RANBP10: variants seen among roughly 807,000 people sequenced by gnomAD.
RANBP10 encodes the protein ran-binding protein 10.
In RANBP10, 24 loss-of-function variants were observed where a neutral mutation model predicts 72.8. The observed-to-expected ratio is 0.33, with a 90% CI of 0.24 to 0.46. The LOEUF is 0.46. Among genes scored for constraint, RANBP10 ranks in the 20% least tolerant of loss-of-function variants. The pLI, the probability that RANBP10 is intolerant of heterozygous loss-of-function variation, is 1.00. For synonymous variants in RANBP10, 310 were observed against 322.3 expected, an observed-to-expected ratio of 0.96 and a Z score of 0.41; for missense variants, 679 against 817.5, an observed-to-expected ratio of 0.83 and a Z score of 2.07.
chr16:67,766,161 C>T (rs916385755), intron 3 of RANBP10, among the ~76,000 whole-genome samples: 1 of 152,198 alleles, frequency 6.6e-6, no homozygotes, highest in African/African-American at 2.4e-5. Context: ...CAGCGGCTGG[C>T]AGAAAGGCTT....
At chr16:67,736,597 G>GC in intron 5 of RANBP10, among the ~76,000 whole-genome samples, 1 of 152,080 alleles carries the variant, frequency 6.6e-6, no homozygotes, top group Non-Finnish European at 1.5e-5. Flanking sequence ...GGCAAGGCCC[G>GC]CCTCCTCCAG....
At chr16:67,728,263 G>A in intron 11 of RANBP10, 127 bp downstream of exon 11, 2 of 1,025,058 alleles carry the variant, frequency 2.0e-6, no homozygotes, top group Non-Finnish European at 2.9e-6. Flanking sequence ...TAAGGAGGCT[G>A]TGGACCAGGT....
intron 2 of RANBP10, among the ~76,000 whole-genome samples, chr16:67,774,078 C>T (rs1416463730): frequency 6.6e-6 from 1 of 152,250 alleles, no homozygotes; most frequent in Admixed American, 6.5e-5. Context: ...AGTCTCCATT[C>T]CTTCAGTACC....
chr16:67,744,109 A>C (rs1462907049), intron 4 of RANBP10, 179 bp downstream of exon 4: 7 of 985,328 alleles, frequency 7.1e-6, no homozygotes, highest in South Asian at 4.7e-5. Context: ...GACTGGCTGG[A>C]TGAACAAAGG....
At position 67,730,376 on chromosome 16, in the gene RANBP10, C is replaced by G. The variant is rs1444074022; in HGVS notation, c.890-330G>C. 1.3e-5 allele frequency among the ~76,000 whole-genome samples: 2 copies of G among 152,178 alleles called. No homozygotes were observed. Among genetic ancestry groups the G allele is most frequent in the Non-Finnish European group, 2.9e-5 (2 of 68,018 alleles). On this transcript the variant is annotated intron_variant, in intron 7 of 13. Coordinates refer to ENST00000317506, the MANE Select transcript of RANBP10 (RefSeq NM_020850.3). This position sits in a 1 kb window ranked among gnomAD's most constrained non-coding sequence, Gnocchi z 4.3. ...CAGGGTAGGGCCCCAGCTGGGGCAA[C>G]ATGATCTGGGGATGGGCACCCAGGC...
intron 6 of RANBP10, among the ~76,000 whole-genome samples, chr16:67,733,485 A>G (rs935697536): frequency 7.9e-5 from 12 of 152,348 alleles, no homozygotes; most frequent in Middle Eastern, 3.4e-3. Context: ...AAAGAGAAGG[A>G]ATTACCTGAC....
At chr16:67,747,902 G>C (rs2143006990) in intron 3 of RANBP10, among the ~76,000 whole-genome samples, 1 of 147,308 alleles carries the variant, frequency 6.8e-6, no homozygotes, top group East Asian at 2.0e-4. Flanking sequence ...CTCACGGCAA[G>C]CTCCGCCTCC....
intron 3 of RANBP10, among the ~76,000 whole-genome samples, chr16:67,745,043 G>A (rs1015388238): frequency 6.6e-6 from 1 of 152,036 alleles, no homozygotes; most frequent in East Asian, 1.9e-4. Flanking sequence ...TGTTAGCCAG[G>A]ATGGTCTCAA....
chr16:67,738,867 T>A (rs1597837818), intron 4 of RANBP10: 1 of 152,254 alleles, frequency 6.6e-6, no homozygotes, highest in Non-Finnish European at 1.5e-5. Context: ...GAAAGCCTGC[T>A]AAGGGGAACT....
chr16:67,793,656 ATTAT>A (rs1567714343), intron 2 of RANBP10, among the ~76,000 whole-genome samples: 1 of 152,048 alleles, frequency 6.6e-6, no homozygotes, highest in East Asian at 1.9e-4. Context: ...AATCGGAGAC[ATTAT>A]TTAAGTAGCC....
At chr16:67,786,615 T>C (rs755711653) in intron 2 of RANBP10, among the ~76,000 whole-genome samples, 1 of 152,154 alleles carries the variant, frequency 6.6e-6, no homozygotes, top group Non-Finnish European at 1.5e-5. Flanking sequence ...TACCACTTCA[T>C]ACCTAGAATA....
chr16:67,755,452 G>A (rs2054269111), intron 3 of RANBP10, among the ~76,000 whole-genome samples: 1 of 152,116 alleles, frequency 6.6e-6, no homozygotes, highest in Non-Finnish European at 1.5e-5. Flanking sequence ...GGGAGGCCGA[G>A]GTGGGTGGAT....
In RANBP10 at chr16:67,729,959, G is replaced by A. The variant is rs1321881578; in HGVS notation, c.977C>T (p.Pro326Leu). 6.2e-7 allele frequency: 1 copy of A among 1,613,782 alleles called. No individual in the cohort carries two copies. The highest frequency in any genetic ancestry group is 8.5e-7 in the Non-Finnish European group (1 of 1,180,020). ...RFYPGLLEHN[P>L]NLLFMLKCRQ... ...TTACTTGAGCATGAAGAGGAGGTTG[G>A]GGTTGTGCTCCAGCAGCCCTGGGTA... is the stretch of plus-strand genomic sequence containing the variant. The change falls in exon 8 of 14, where the codon CCC (proline) becomes CTC (leucine). Residue 326 changes from proline (P) to leucine (L), a missense_variant. Physicochemically the swap from Pro to Leu is moderately conservative, Grantham distance 98. Coordinates refer to ENST00000317506, the MANE Select transcript of RANBP10 (RefSeq NM_020850.3). The surrounding 1 kb of genome is among the most constrained non-coding windows in gnomAD (Gnocchi z 7.1).
At chr16:67,781,846 T>C (rs1159693803) in intron 2 of RANBP10, among the ~76,000 whole-genome samples, 3 of 152,078 alleles carry the variant, frequency 2.0e-5, no homozygotes, top group African/African-American at 7.2e-5. Flanking sequence ...GAACACAAGA[T>C]AGAGAAGAAG....
Position 67,783,745 on chromosome 16 carries a change from C to T in RANBP10, c.348-11659G>A, listed in dbSNP as rs576307168. ...AGACCCTGGAACAGCAATCAAAAAGCCACTAAGAAGACATCAGGCTGAGTG... is the reference window on the plus strand; with the variant it reads ...AGACCCTGGAACAGCAATCAAAAAGTCACTAAGAAGACATCAGGCTGAGTG... On this transcript the variant is annotated intron_variant, in intron 2 of 13. Transcript: ENST00000317506. Among the ~76,000 whole-genome samples the T allele has an allele frequency of 2.1e-4, 32 of 152,186 alleles. 1 individual carries two copies. The East Asian group carries it at 3.1e-3, about 15-fold the overall frequency.
At chr16:67,772,111 CA>C (rs1488659909) in intron 2 of RANBP10, 25 bp from the exon 3 acceptor site, 1 of 1,031,110 alleles carries the variant, frequency 9.7e-7, no homozygotes. Context: ...AAAAAAAAAA[CA>C]CAAAATTTTT....
Position 67,730,183 on chromosome 16 carries a change from G to A in RANBP10, c.890-137C>T. On this transcript the variant is annotated intron_variant, in intron 7 of 13. Transcript: ENST00000317506. The surrounding 1 kb of genome is among the most constrained non-coding windows in gnomAD (Gnocchi z 4.3). ...GCTTGAAATGCTCACAGGAGAGGAG[G>A]CTGGAGAAAGAACCTGACTGCCCAG... 1.4e-6 allele frequency: 1 copy of A among 721,042 alleles called. No homozygotes were observed. The highest frequency in any genetic ancestry group is 1.7e-5 in the South Asian group (1 of 58,474). 44.7% of individuals were successfully genotyped at this position (721,042 alleles called of 1,614,324 possible).
At chr16:67,805,671 T>A in intron 1 of RANBP10, 132 bp from the exon 2 acceptor site, 1 of 698,498 alleles carries the variant, frequency 1.4e-6, no homozygotes, top group Non-Finnish European at 2.4e-6. Flanking sequence ...GGCCGAGGAA[T>A]CATTAGACAA....
intron 2 of RANBP10, among the ~76,000 whole-genome samples, chr16:67,798,418 G>A (rs779327318): frequency 6.6e-6 from 1 of 152,144 alleles, no homozygotes; most frequent in Non-Finnish European, 1.5e-5. Context: ...AGCTTAGATG[G>A]TCCTCCACAC....
Sources: allele counts gnomAD v4.1 joint callset (sites outside exome capture counted in the v4.1 genomes callset), GRCh38; gene constraint gnomAD v4.1.1; non-coding constraint Gnocchi (gnomAD v3.1); transcripts MANE v1.5; gene names NCBI Gene and HGNC (gene_info 2026-07-23, HGNC 2026-07-21).